Variants in FARP2 observed in about 807,000 individuals in gnomAD.
FARP2 encodes the protein FERM, ARHGEF and pleckstrin domain-containing protein 2.
FARP2 carries 111 observed loss-of-function variants against 130.5 expected under a neutral mutation model. The ratio of observed to expected loss-of-function variants is 0.85; its 90% confidence interval spans 0.73 to 1.00. The LOEUF is 1.00. Among genes scored for constraint, FARP2 ranks in the 50% least tolerant of loss-of-function variants. FARP2 has a pLI of 0.00. For missense variants in FARP2, 1,385 were observed against 1,346.3 expected (o/e 1.03, Z -0.45); for synonymous variants, 504 against 516.9 (o/e 0.98, Z 0.34).
chr2:241,366,979 T>A (rs2061332367), intron 1 of FARP2, among the ~76,000 whole-genome samples: 1 of 152,108 alleles, frequency 6.6e-6, no homozygotes, highest in Non-Finnish European at 1.5e-5. Context: ...TGGTCTTTTT[T>A]AAATCACAGC....
intron 8 of FARP2, among the ~76,000 whole-genome samples, chr2:241,419,948 G>T (rs2062764741): frequency 6.6e-6 from 1 of 152,106 alleles, no homozygotes; most frequent in Non-Finnish European, 1.5e-5. Flanking sequence ...CCAGGAGTTT[G>T]AGACCAGCTG....
At position 241,475,979 on chromosome 2, in the gene FARP2, C is replaced by T; in HGVS notation, c.2254C>T (p.Pro752Ser). Reference protein sequence around the residue: ...DLVGIENLIAPGREFIREGCL... With the variant: ...DLVGIENLIASGREFIREGCL... ...GGTGGGCATAGAGAACCTCATTGCTCCTGGCAGGGTGAGTGACCTTGCTCT... is the reference window on the plus strand; with the variant it reads ...GGTGGGCATAGAGAACCTCATTGCTTCTGGCAGGGTGAGTGACCTTGCTCT... The change falls in exon 19 of 27, where the codon CCT becomes TCT. Residue 752 changes from proline (P) to serine (S), a missense_variant. By Grantham distance (74) the Pro-to-Ser change is moderately conservative. Transcript: ENST00000264042. This position sits in a 1 kb window ranked among gnomAD's most constrained non-coding sequence, Gnocchi z 4.4. 6.2e-7 allele frequency: 1 copy of T among 1,612,180 alleles called. No homozygotes were observed. Among genetic ancestry groups the T allele is most frequent in the East Asian group, 2.2e-5 (1 of 44,830 alleles).
chr2:241,436,381 T>C (rs936161564), intron 11 of FARP2, 100 bp from the exon 12 acceptor site: 44 of 974,058 alleles, frequency 4.5e-5, no homozygotes, highest in Non-Finnish European at 5.9e-5. Context: ...CATTTTCTTG[T>C]GAGGTTTTCT....
intron 1 of FARP2, 22 bp from the exon 2 acceptor site, chr2:241,373,062 G>GTTTT: frequency 1.4e-5 from 13 of 927,880 alleles, no homozygotes; most frequent in Non-Finnish European, 1.6e-5. Context: ...CCTTCATGTG[G>GTTTT]TTTTTTTTTT....
chr2:241,407,451 A>G (rs1439406956), intron 4 of FARP2, 86 bp from the exon 5 acceptor site: 3 of 986,680 alleles, frequency 3.0e-6, no homozygotes, highest in Non-Finnish European at 4.8e-6. Flanking sequence ...ACTTGGAAGC[A>G]TGACCTCAGT....
chr2:241,376,868 C>G (rs768083691), intron 2 of FARP2, among the ~76,000 whole-genome samples: 14 of 152,212 alleles, frequency 9.2e-5, no homozygotes, highest in Non-Finnish European at 2.1e-4. Flanking sequence ...CTTGCTGTCT[C>G]CCTGCTCCTG....
rs1184827204 is a variant in FARP2, at chr2:241,431,676, C to G, written c.772-3C>G. 1 of 1,531,020 alleles carries G rather than the reference C, an allele frequency of 6.5e-7. No individual in the cohort carries two copies. Among genetic ancestry groups the G allele is most frequent in the Admixed American group, 1.7e-5 (1 of 58,008 alleles). The allele number at this position is 1,531,020 out of a possible 1,614,324, so 94.8% of individuals were successfully genotyped here. On this transcript the variant is annotated splice_polypyrimidine_tract_variant and splice_region_variant and intron_variant, in intron 8 of 26. Coordinates refer to ENST00000264042, the MANE Select transcript of FARP2 (RefSeq NM_014808.4). Reference sequence around the variant, plus strand: ...TGTAATCTGTCTGTCTCTTGCATTTCAGGGCACCACCAAAATCAACACTTT... The same window carrying G: ...TGTAATCTGTCTGTCTCTTGCATTTGAGGGCACCACCAAAATCAACACTTT...
intron 19 of FARP2, among the ~76,000 whole-genome samples, chr2:241,483,083 G>A (rs553519647): frequency 2.0e-5 from 3 of 151,794 alleles, no homozygotes; most frequent in Admixed American, 1.3e-4. Context: ...TCCCATTCTC[G>A]AACCTGCTCC....
At chr2:241,476,666 G>T (rs2064474908) in intron 19 of FARP2, among the ~76,000 whole-genome samples, 1 of 152,010 alleles carries the variant, frequency 6.6e-6, no homozygotes, top group African/African-American at 2.4e-5. Context: ...TCTAGCCTGG[G>T]TAACATGAGC....
chr2:241,474,245 A>T (rs2064392786), intron 18 of FARP2, among the ~76,000 whole-genome samples: 1 of 133,902 alleles, frequency 7.5e-6, no homozygotes, highest in Non-Finnish European at 1.6e-5. Flanking sequence ...GGCGGAGCTG[A>T]GCTTGCAGTG....
At chr2:241,367,089 A>G (rs1176142196) in intron 1 of FARP2, among the ~76,000 whole-genome samples, 1 of 152,100 alleles carries the variant, frequency 6.6e-6, no homozygotes, top group East Asian at 1.9e-4. Context: ...GGTTGCCCAC[A>G]TATGGATCCT....
intron 12 of FARP2, among the ~76,000 whole-genome samples, chr2:241,437,759 T>C (rs55990413): frequency 0.2 from 30,009 of 150,696 alleles, 3,218 homozygotes; most frequent in East Asian, 0.41. Flanking sequence ...CCACCTCCCG[T>C]GTTCACACCA....
chr2:241,363,660 T>C (rs930180833), intron 1 of FARP2, among the ~76,000 whole-genome samples: 20 of 152,298 alleles, frequency 1.3e-4, no homozygotes, highest in African/African-American at 4.8e-4. Flanking sequence ...ACCAAGCAAG[T>C]AGGGACCGCA....
In FARP2 at chr2:241,475,873, C is replaced by T. The variant is rs758576250; in HGVS notation, c.2148C>T (p.Ile716=). 2 of 1,613,466 alleles carry T rather than the reference C, an allele frequency of 1.2e-6. No individual in the cohort carries two copies. The highest frequency in any genetic ancestry group is 2.2e-5 in the South Asian group (2 of 90,952). ...YADCHDALKA[I]TEVTTTLQHI... The stretch of plus-strand genomic sequence containing the variant: ...TCCACACAGACGCCCTGAAAGCCAT[C>T]ACAGAGGTGACCACCACACTACAGC... The change falls in exon 19 of 27, where the codon ATC becomes ATT. Residue 716 remains isoleucine, a synonymous_variant. Transcript: ENST00000264042. The surrounding 1 kb of genome is among the most constrained non-coding windows in gnomAD (Gnocchi z 4.4).
chr2:241,377,296 T>G (rs1190887517), intron 2 of FARP2, among the ~76,000 whole-genome samples: 1 of 152,026 alleles, frequency 6.6e-6, no homozygotes, highest in African/African-American at 2.4e-5. Flanking sequence ...TCAGGAGCCT[T>G]TTTAACATAG....
chr2:241,376,519 G>A (rs1394718530), intron 2 of FARP2, among the ~76,000 whole-genome samples: 1 of 67,374 alleles, frequency 1.5e-5, no homozygotes, highest in Non-Finnish European at 3.3e-5. Context: ...GCCCTGAGTG[G>A]GCAGAGTCCC....
At chr2:241,471,660 A>AT (rs1173705143) in intron 18 of FARP2, among the ~76,000 whole-genome samples, 4 of 150,564 alleles carry the variant, frequency 2.7e-5, no homozygotes, top group Admixed American at 6.6e-5. Context: ...CGCCTGTCTA[A>AT]TTTTTTTTGT....
chr2:241,438,634 G>GT (rs1207651322), intron 12 of FARP2, among the ~76,000 whole-genome samples: 5,819 of 127,650 alleles, frequency 0.046, 407 homozygotes, highest in African/African-American at 0.14. Context: ...TTTTTTTTTT[G>GT]TTTTTTTTTT....
At chr2:241,434,099 A>G in intron 9 of FARP2, 59 bp from the exon 10 acceptor site, 4 of 1,312,772 alleles carry the variant, frequency 3.0e-6, no homozygotes, top group Non-Finnish European at 4.2e-6. Flanking sequence ...TCCTAAATGT[A>G]CTTTCTCTTG....
Sources: allele counts gnomAD v4.1 joint callset (sites outside exome capture counted in the v4.1 genomes callset), GRCh38; gene constraint gnomAD v4.1.1; non-coding constraint Gnocchi (gnomAD v3.1); transcripts MANE v1.5; gene names NCBI Gene and HGNC (gene_info 2026-07-23, HGNC 2026-07-21).